Variants in SPTAN1 observed in about 807,000 individuals in gnomAD.
SPTAN1 encodes spectrin alpha chain, non-erythrocytic 1.
Under a neutral mutation model 331.3 loss-of-function variants are expected in SPTAN1, and 61 were observed. The observed-to-expected ratio is 0.18, with a 90% CI of 0.15 to 0.23. SPTAN1 has a LOEUF of 0.23. Ranked by LOEUF, SPTAN1 falls within the 10% of genes least tolerant of loss-of-function variation. The pLI, the probability that SPTAN1 is intolerant of heterozygous loss-of-function variation, is 1.00. For synonymous variants in SPTAN1, 1,153 were observed against 1,173.9 expected (o/e 0.98, Z 0.36); for missense variants, 2,043 against 3,147.9 (o/e 0.65, Z 8.40).
chr9:128,556,541 A>G (rs1426231473), intron 1 of SPTAN1, among the ~76,000 whole-genome samples: 2 of 152,252 alleles, frequency 1.3e-5, no homozygotes, highest in Non-Finnish European at 2.9e-5. Flanking sequence ...AAGTAGCAGC[A>G]AGATAGTATT....
chr9:128,581,736 C>A (rs759108378), intron 11 of SPTAN1, 46 bp from the exon 12 acceptor site: 5 of 1,479,332 alleles, frequency 3.4e-6, no homozygotes, highest in Non-Finnish European at 4.7e-6. Flanking sequence ...CTTAGAAGAT[C>A]AAAGGAATAG....
At position 128,605,183 on chromosome 9, in the gene SPTAN1, G is replaced by T. The variant is rs1855665122; in HGVS notation, c.3864+5G>T. The T allele has an allele frequency of 6.2e-7, 1 of 1,613,924 alleles. No individual in the cohort carries two copies. Among genetic ancestry groups the T allele is most frequent in the South Asian group, 1.1e-5 (1 of 91,078 alleles). The stretch of plus-strand genomic sequence containing the variant: ...CTTGCGGCTCTCGGTGACAAGGTGA[G>T]AGGACCCAAAGTCATCTTCTGTCTG... On this transcript the variant is annotated splice_donor_5th_base_variant and intron_variant, in intron 30 of 56. Transcript: ENST00000372739.
Position 128,579,870 on chromosome 9 carries a change from A to T in SPTAN1, c.1323+132A>T, listed in dbSNP as rs965180595. 5.0e-6 allele frequency: 4 copies of T among 793,148 alleles called. No individual in the cohort carries two copies. In the African/African-American group the frequency reaches 6.8e-5, roughly 14 times the overall value. The allele number at this position is 793,148 out of a possible 1,614,324, so 49.1% of individuals were successfully genotyped here. The stretch of plus-strand genomic sequence containing the variant: ...ATGTGAGAAACTTTCCTTTCTCTGC[A>T]GAGGTTTAAAAAGAAGGTATATGTA... On this transcript the variant is annotated intron_variant, in intron 10 of 56. Coordinates refer to ENST00000372739, the MANE Select transcript of SPTAN1 (RefSeq NM_001130438.3).
At chr9:128,615,546 C>A in intron 40 of SPTAN1, 86 bp from the exon 41 acceptor site, 2 of 1,409,264 alleles carry the variant, frequency 1.4e-6, no homozygotes, top group Non-Finnish European at 2.0e-6. Flanking sequence ...CACTCCACAT[C>A]TCAGTAAGGA....
intron 46 of SPTAN1, 169 bp downstream of exon 46, chr9:128,624,656 G>C (rs1220846395): frequency 1.1e-6 from 1 of 873,814 alleles, no homozygotes; most frequent in Admixed American, 2.3e-5. Flanking sequence ...ACAGTGTCCT[G>C]AGGCCAGAAC....
chr9:128,594,062 A>C (rs1159533533), intron 23 of SPTAN1, 113 bp from the exon 24 acceptor site: 3 of 1,000,058 alleles, frequency 3.0e-6, no homozygotes, highest in Non-Finnish European at 4.7e-6. Context: ...CATCATTACA[A>C]ACTCGTAGCC....
At chr9:128,572,126 C>T (rs1438746724) in intron 3 of SPTAN1, among the ~76,000 whole-genome samples, 1 of 152,204 alleles carries the variant, frequency 6.6e-6, no homozygotes, top group African/African-American at 2.4e-5. Flanking sequence ...TCCCAAAGTG[C>T]TGGGATTACA....
intron 19 of SPTAN1, among the ~76,000 whole-genome samples, chr9:128,587,360 C>T (rs544475693): frequency 1.8e-4 from 27 of 152,332 alleles, no homozygotes; most frequent in African/African-American, 6.5e-4. Flanking sequence ...GCTGGGATTA[C>T]AGGCATAAGC....
intron 41 of SPTAN1, among the ~76,000 whole-genome samples, chr9:128,617,133 G>A (rs983889626): frequency 6.6e-6 from 1 of 151,864 alleles, no homozygotes; most frequent in Non-Finnish European, 1.5e-5. Context: ...CAGCTACTCC[G>A]GAGGCTGAGG....
At chr9:128,571,024 G>A (rs1850657906) in intron 3 of SPTAN1, among the ~76,000 whole-genome samples, 1 of 152,202 alleles carries the variant, frequency 6.6e-6, no homozygotes, top group Admixed American at 6.5e-5. Context: ...GCTCACACTT[G>A]TAATCCCAGA....
chr9:128,625,856 C>A lies in SPTAN1; in HGVS notation c.6157C>A (p.His2053Asn). The change falls in exon 48 of 57, where the codon CAC becomes AAC. Residue 2053 changes from histidine (H) to asparagine (N), a missense_variant. Around this residue, in one of 12 missense-constraint regions of SPTAN1, gnomAD observed 256 missense variants for 376.4 expected, o/e 0.68. Coordinates refer to ENST00000372739, the MANE Select transcript of SPTAN1 (RefSeq NM_001130438.3). The surrounding 1 kb of genome is among the most constrained non-coding windows in gnomAD (Gnocchi z 4.1). ...ALKDQLLAAK[H>N]VQSKAIEARH... ...CAAAGATCAGCTTCTCGCCGCCAAA[C>A]ACGTTCAGTCCAAGGCCATCGAGGC... 1 of 1,614,208 alleles carries A rather than the reference C, an allele frequency of 6.2e-7. No homozygotes were observed. The highest frequency in any genetic ancestry group is 8.5e-7 in the Non-Finnish European group (1 of 1,180,046).
chr9:128,617,433 A>T (rs879371210), intron 41 of SPTAN1, among the ~76,000 whole-genome samples: 1 of 152,104 alleles, frequency 6.6e-6, no homozygotes, highest in African/African-American at 2.4e-5. Context: ...ATCCGGACAC[A>T]CAGCAGGGCT....
At chr9:128,626,304 C>T in intron 48 of SPTAN1, 87 bp from the exon 49 acceptor site, 1 of 1,531,796 alleles carries the variant, frequency 6.5e-7, no homozygotes, top group Non-Finnish European at 9.0e-7. Flanking sequence ...CTCTGATTCC[C>T]AGGAACCACC....
rs1589311330 is a variant in SPTAN1, at chr9:128,608,223, G to A, written c.4438G>A (p.Val1480Ile). 1.9e-6 allele frequency: 3 copies of A among 1,614,164 alleles called. No individual in the cohort carries two copies. Among genetic ancestry groups the A allele is most frequent in the Non-Finnish European group, 2.5e-6 (3 of 1,180,044 alleles). Residue 1480 changes from valine (V) to isoleucine (I), a missense_variant, in exon 34 of 57, where the codon GTA (valine) becomes ATA (isoleucine). Around this residue, in one of 12 missense-constraint regions of SPTAN1, gnomAD observed 179 missense variants for 215.7 expected, o/e 0.83. Coordinates refer to ENST00000372739, the MANE Select transcript of SPTAN1 (RefSeq NM_001130438.3). ...AGACAAAGGAGACTCACTGGACAGC[G>A]TAGAGGCTCTGATCAAAAAACATGA... ...TEDKGDSLDS[V>I]EALIKKHEDF...
chr9:128,625,293 A>G lies in SPTAN1; in HGVS notation c.6069+114A>G. 9.3e-7 allele frequency: 1 copy of G among 1,079,664 alleles called. No individual in the cohort carries two copies. The highest frequency in any genetic ancestry group is 1.4e-6 in the Non-Finnish European group (1 of 715,808). The allele number at this position is 1,079,664 out of a possible 1,614,324, so 66.9% of individuals were successfully genotyped here. ...CTGTTAGCCCCTGGGGATCAGCAGG[A>G]AAAAGATCCTGTCCTGGTCCTCAGG... On this transcript the variant is annotated intron_variant, in intron 47 of 56. Transcript: ENST00000372739. The surrounding 1 kb of genome is among the most constrained non-coding windows in gnomAD (Gnocchi z 4.1).
chr9:128,585,943 G>C lies in SPTAN1; in HGVS notation c.2756G>C (p.Gly919Ala). Residue 919 changes from glycine (G) to alanine (A), a missense_variant, in exon 19 of 57, where the codon GGC becomes GCC. Around this residue, in one of 12 missense-constraint regions of SPTAN1, gnomAD observed 1,038 missense variants for 1,531.5 expected, o/e 0.68. Coordinates refer to ENST00000372739, the MANE Select transcript of SPTAN1 (RefSeq NM_001130438.3). Reference protein sequence around the residue: ...KEPIVGSTDYGKDEDSAEALL... With the variant: ...KEPIVGSTDYAKDEDSAEALL... The stretch of plus-strand genomic sequence containing the variant: ...CCCATTGTGGGCAGCACTGACTATG[G>C]CAAGGACGAAGACTCTGCTGAGGTA... 6.2e-7 allele frequency: 1 copy of C among 1,612,836 alleles called. No individual in the cohort carries two copies. Among genetic ancestry groups the C allele is most frequent in the Non-Finnish European group, 8.5e-7 (1 of 1,180,032 alleles).
At chr9:128,614,570 A>T (rs1167892853) in intron 40 of SPTAN1, among the ~76,000 whole-genome samples, 1 of 151,692 alleles carries the variant, frequency 6.6e-6, no homozygotes, top group African/African-American at 2.4e-5. Context: ...AGCCTGGGCG[A>T]CAGAATGAGA....
chr9:128,603,639 A>C (rs751409455), intron 28 of SPTAN1, 49 bp downstream of exon 28: 21 of 1,603,858 alleles, frequency 1.3e-5, no homozygotes, highest in Non-Finnish European at 1.8e-5. Context: ...TTTCTCCACT[A>C]TCTTCCTTCC....
rs369547180 is a variant in SPTAN1, at chr9:128,580,906, C to G, written c.1324-16C>G. On this transcript the variant is annotated splice_polypyrimidine_tract_variant and intron_variant, in intron 10 of 56. Transcript: ENST00000372739. ...GCTGACCTCATCTCCCTGACCATGT[C>G]TCCTATGCCCCCAAGCTGACCGTCC... is the stretch of plus-strand genomic sequence containing the variant. 1.2e-6 allele frequency: 2 copies of G among 1,612,336 alleles called. No individual in the cohort carries two copies. Among genetic ancestry groups the G allele is most frequent in the Non-Finnish European group, 1.7e-6 (2 of 1,180,012 alleles).
Sources: allele counts gnomAD v4.1 joint callset (sites outside exome capture counted in the v4.1 genomes callset), GRCh38; gene constraint gnomAD v4.1.1; regional missense constraint gnomAD v4.1.1; non-coding constraint Gnocchi (gnomAD v3.1); transcripts MANE v1.5; gene names NCBI Gene and HGNC (gene_info 2026-07-23, HGNC 2026-07-21).